The following CPNE8 variants were observed in gnomAD, a reference collection of about 807,000 sequenced individuals.
The protein encoded by CPNE8 is copine-8.
CPNE8 carries 45 observed loss-of-function variants against 81.5 expected under a neutral mutation model. The ratio of observed to expected loss-of-function variants is 0.55; its 90% CI spans 0.44 to 0.71. CPNE8 has a LOEUF of 0.71. Among genes scored for constraint, CPNE8 ranks in the 30% least tolerant of loss-of-function variants. The pLI is 0.00. For synonymous variants in CPNE8, 252 were observed against 226.3 expected, an observed-to-expected ratio of 1.11 and a Z score of -1.02; for missense variants, 594 against 672.1, an observed-to-expected ratio of 0.88 and a Z score of 1.28.
At chr12:38,861,435 T>C (rs758549176) in intron 3 of CPNE8, among the ~76,000 whole-genome samples, 4 of 152,076 alleles carry the variant, frequency 2.6e-5, no homozygotes, top group Non-Finnish European at 5.9e-5. Context: ...AAACGACTTA[T>C]TAAACTTTCA....
At chr12:38,806,625 G>C (rs1180514877) in intron 6 of CPNE8, among the ~76,000 whole-genome samples, 1 of 146,764 alleles carries the variant, frequency 6.8e-6, no homozygotes, top group African/African-American at 2.4e-5. Flanking sequence ...AGCTATCTAT[G>C]ACAAACCCAC....
intron 6 of CPNE8, among the ~76,000 whole-genome samples, chr12:38,794,027 T>C (rs964707612): frequency 6.6e-6 from 1 of 152,114 alleles, no homozygotes; most frequent in African/African-American, 2.4e-5. Context: ...AATGAATGTT[T>C]TGGATGCTTA....
intron 1 of CPNE8, among the ~76,000 whole-genome samples, chr12:38,891,814 C>T (rs1944318156): frequency 6.6e-6 from 1 of 152,184 alleles, no homozygotes; most frequent in Non-Finnish European, 1.5e-5. Flanking sequence ...CATAGATGTC[C>T]ACATTCATTC....
chr12:38,899,178 G>A (rs570478440), intron 1 of CPNE8, among the ~76,000 whole-genome samples: 51 of 152,190 alleles, frequency 3.4e-4, no homozygotes, highest in East Asian at 1.4e-3. Context: ...GAATGTTTGC[G>A]TCCCCCCAAA....
intron 18 of CPNE8, among the ~76,000 whole-genome samples, chr12:38,673,018 A>G (rs1206734710): frequency 1.3e-5 from 2 of 152,032 alleles, no homozygotes; most frequent in African/African-American, 2.4e-5. Context: ...TGAGGGAGGG[A>G]CCTGTAATCC....
At chr12:38,787,001 T>C (rs1942207245) in intron 6 of CPNE8, among the ~76,000 whole-genome samples, 1 of 152,046 alleles carries the variant, frequency 6.6e-6, no homozygotes, top group African/African-American at 2.4e-5. Flanking sequence ...CCCAATACAA[T>C]AATAGCTGAA....
chr12:38,802,656 A>G (rs1942700350), intron 6 of CPNE8, among the ~76,000 whole-genome samples: 2 of 151,830 alleles, frequency 1.3e-5, no homozygotes, highest in Admixed American at 1.3e-4. Context: ...AATAACTAAA[A>G]TCAGAGCAGA....
At chr12:38,674,138 G>A (rs796139979) in intron 18 of CPNE8, among the ~76,000 whole-genome samples, 6 of 152,124 alleles carry the variant, frequency 3.9e-5, no homozygotes, top group South Asian at 2.1e-4. Flanking sequence ...CTAAAGAAAC[G>A]AAGAAAATAA....
At chr12:38,782,360 A>G (rs1942073577) in intron 6 of CPNE8, among the ~76,000 whole-genome samples, 2 of 152,148 alleles carry the variant, frequency 1.3e-5, no homozygotes, top group Admixed American at 1.3e-4. Flanking sequence ...ACCTATAATG[A>G]CATTATTGGT....
rs183597516 is a variant in CPNE8 at position 38,784,270 on chromosome 12, A to G, written c.408-7969T>C. Among the ~76,000 whole-genome samples, 388 of 152,346 alleles carry G rather than the reference A, an allele frequency of 2.5e-3. 1 individual carries two copies. The highest frequency in any genetic ancestry group is 8.9e-3 in the African/African-American group (369 of 41,586). ...AATGGCAGAGTTGATCATGCAGAATAAAGAATTAGTGAGCTTGAAGACAAG... is the reference window on the plus strand; with the variant it reads ...AATGGCAGAGTTGATCATGCAGAATGAAGAATTAGTGAGCTTGAAGACAAG... On this transcript the variant is annotated intron_variant, in intron 6 of 19. Transcript: ENST00000331366.
intron 3 of CPNE8, among the ~76,000 whole-genome samples, chr12:38,860,750 G>T (rs1943819181): frequency 6.6e-6 from 1 of 152,046 alleles, no homozygotes; most frequent in South Asian, 2.1e-4. Context: ...AGACACAGAA[G>T]GACAGATACT....
At chr12:38,765,365 T>C (rs1464502051) in intron 8 of CPNE8, among the ~76,000 whole-genome samples, 1 of 152,172 alleles carries the variant, frequency 6.6e-6, no homozygotes, top group Non-Finnish European at 1.5e-5. Context: ...CAAAAATAGC[T>C]ATTCCAAAGG....
intron 4 of CPNE8, among the ~76,000 whole-genome samples, chr12:38,842,475 T>A (rs1260396720): frequency 6.6e-6 from 1 of 152,008 alleles, no homozygotes; most frequent in Non-Finnish European, 1.5e-5. Flanking sequence ...CAAAGCTTTT[T>A]AAATACCATT....
Position 38,774,309 on chromosome 12 carries a change from T to A in CPNE8, c.471+1929A>T, listed in dbSNP as rs369092659. 7.9e-5 allele frequency among the ~76,000 whole-genome samples: 12 copies of A among 152,284 alleles called. 1 individual carries two copies. The South Asian group carries it at 1.5e-3, about 18-fold the overall frequency. ...ATTTTGACAAAATAGCATGTTAATA[T>A]CACCAAAAAGAACATGTATCTTATT... On this transcript the variant is annotated intron_variant, in intron 7 of 19. Coordinates refer to ENST00000331366, the MANE Select transcript of CPNE8 (RefSeq NM_153634.3).
At chr12:38,806,531 G>A (rs534022444) in intron 6 of CPNE8, among the ~76,000 whole-genome samples, 3 of 150,016 alleles carry the variant, frequency 2.0e-5, no homozygotes, top group Non-Finnish European at 3.0e-5. Flanking sequence ...ATGCAGAAAA[G>A]CCCTTTGACA....
intron 1 of CPNE8, among the ~76,000 whole-genome samples, chr12:38,900,960 G>A (rs1944453463): frequency 6.6e-6 from 1 of 152,118 alleles, no homozygotes; most frequent in Non-Finnish European, 1.5e-5. Context: ...AGTGGCTCAG[G>A]CCTATAATCC....
chr12:38,730,204 G>A (rs1940798673), intron 11 of CPNE8, 79 bp downstream of exon 11: 14 of 874,872 alleles, frequency 1.6e-5, no homozygotes, highest in Non-Finnish European at 2.7e-5. Flanking sequence ...TGGCAATTAT[G>A]CTTTGCAGAA....
At chr12:38,796,491 T>A (rs2136943247) in intron 6 of CPNE8, among the ~76,000 whole-genome samples, 2 of 152,212 alleles carry the variant, frequency 1.3e-5, no homozygotes, top group South Asian at 2.1e-4. Flanking sequence ...GAAGAAAAAG[T>A]CATACTCTGG....
chr12:38,686,735 A>G (rs1351587283), intron 15 of CPNE8, among the ~76,000 whole-genome samples: 1 of 152,186 alleles, frequency 6.6e-6, no homozygotes, highest in African/African-American at 2.4e-5. Flanking sequence ...TATTTCCAAA[A>G]AGGCTCACTT....
Sources: gnomAD v4.1 joint callset for allele counts (sites outside exome capture counted in the v4.1 genomes callset) on GRCh38, gnomAD v4.1.1 for gene constraint, MANE v1.5 for transcripts, NCBI Gene and HGNC (gene_info 2026-07-23, HGNC 2026-07-21) for gene names.